Variants in CNTNAP2 observed in about 807,000 individuals in gnomAD.
CNTNAP2 encodes the protein contactin associated protein 2.
CNTNAP2 carries 98 observed loss-of-function variants against 155.2 expected under a neutral mutation model. The observed-to-expected ratio is 0.63, with a 90% CI of 0.54 to 0.75. The LOEUF (loss-of-function observed/expected upper bound fraction) is 0.75, where lower values mean the gene tolerates loss of function less well. Among genes scored for constraint, CNTNAP2 ranks in the 30% least tolerant of loss-of-function variants. The probability of loss-of-function intolerance (pLI) is 0.00; values close to 1 mark genes in which losing one functional copy is unlikely to be tolerated. For missense variants in CNTNAP2, 1,727 were observed against 1,688.1 expected (o/e 1.02, Z -0.40); for synonymous variants, 651 against 631.2 (o/e 1.03, Z -0.47).
At chr7:146,250,898 A>G (rs1442180326) in intron 1 of CNTNAP2, among the ~76,000 whole-genome samples, 1 of 152,194 alleles carries the variant, frequency 6.6e-6, no homozygotes, top group Non-Finnish European at 1.5e-5. Context: ...ATTACCATGC[A>G]TACTGTCTTT....
chr7:146,295,022 T>G (rs896996723), intron 1 of CNTNAP2, among the ~76,000 whole-genome samples: 4 of 152,176 alleles, frequency 2.6e-5, no homozygotes, highest in African/African-American at 9.7e-5. Context: ...AAATTACCAT[T>G]AAGATGAAAG....
intron 16 of CNTNAP2, among the ~76,000 whole-genome samples, chr7:148,137,076 C>T (rs1044362289): frequency 1.1e-4 from 17 of 152,300 alleles, no homozygotes; most frequent in Non-Finnish European, 5.9e-5. Flanking sequence ...ATTTTTCATA[C>T]ATGGAAACAT....
At chr7:147,421,519 TAAA>T (rs1797290098) in intron 10 of CNTNAP2, among the ~76,000 whole-genome samples, 1 of 151,144 alleles carries the variant, frequency 6.6e-6, no homozygotes, top group Non-Finnish European at 1.5e-5. Context: ...ATTACACAAA[TAAA>T]ATATATATTT....
chr7:148,022,874 A>G (rs1157415591), intron 15 of CNTNAP2, among the ~76,000 whole-genome samples: 1 of 152,152 alleles, frequency 6.6e-6, no homozygotes, highest in Non-Finnish European at 1.5e-5. Context: ...CGATTATCAG[A>G]AAGAGTGTCT....
chr7:147,552,609 G>C (rs903254583), intron 11 of CNTNAP2, among the ~76,000 whole-genome samples: 4 of 139,430 alleles, frequency 2.9e-5, no homozygotes, highest in South Asian at 2.2e-4. Flanking sequence ...CACACACACA[G>C]AGATATAAAT....
intron 1 of CNTNAP2, among the ~76,000 whole-genome samples, chr7:146,203,236 C>G (rs978937245): frequency 6.6e-6 from 1 of 152,086 alleles, no homozygotes; most frequent in Non-Finnish European, 1.5e-5. Context: ...GCATCAGATC[C>G]CAGGGTGAGG....
intron 8 of CNTNAP2, among the ~76,000 whole-genome samples, chr7:147,198,297 T>A (rs1802848133): frequency 6.9e-6 from 1 of 144,578 alleles, no homozygotes; most frequent in Non-Finnish European, 1.5e-5. Flanking sequence ...AATGGTGTGA[T>A]CTCGGCTCAC....
intron 14 of CNTNAP2, among the ~76,000 whole-genome samples, chr7:147,927,307 A>T (rs1046058906): frequency 2.6e-5 from 4 of 152,202 alleles, no homozygotes; most frequent in Non-Finnish European, 1.5e-5. Flanking sequence ...CTTATGCCAT[A>T]TTGAGAAAAA....
intron 4 of CNTNAP2, among the ~76,000 whole-genome samples, chr7:147,056,925 C>A (rs1226992219): frequency 1.3e-5 from 2 of 152,114 alleles, no homozygotes; most frequent in African/African-American, 2.4e-5. Context: ...TGCACACCAC[C>A]ATCCCTAGCT....
chr7:147,546,398 C>T (rs1183118949), intron 11 of CNTNAP2, among the ~76,000 whole-genome samples: 1 of 152,056 alleles, frequency 6.6e-6, no homozygotes, highest in African/African-American at 2.4e-5. Flanking sequence ...GTTTATATTA[C>T]TTATATATTA....
intron 18 of CNTNAP2, among the ~76,000 whole-genome samples, chr7:148,185,635 C>T (rs1201860885): frequency 6.6e-6 from 1 of 152,152 alleles, no homozygotes; most frequent in East Asian, 1.9e-4. Flanking sequence ...TTGCTAGTCA[C>T]TTTTTAGTTT....
At chr7:146,674,327 G>A (rs145787276) in intron 1 of CNTNAP2, among the ~76,000 whole-genome samples, 104 of 152,132 alleles carry the variant, frequency 6.8e-4, no homozygotes, top group African/African-American at 2.4e-3. Flanking sequence ...AGTGTCTTAC[G>A]TACTTTCTTA....
intron 10 of CNTNAP2, among the ~76,000 whole-genome samples, chr7:147,457,862 T>C (rs566367675): frequency 1.6e-4 from 24 of 152,264 alleles, no homozygotes; most frequent in African/African-American, 5.8e-4. Context: ...ATCTGATCTT[T>C]CTTGAATTCT....
chr7:147,917,627 G>T (rs566309043), intron 14 of CNTNAP2, among the ~76,000 whole-genome samples: 5 of 152,346 alleles, frequency 3.3e-5, no homozygotes, highest in African/African-American at 1.2e-4. Context: ...TAGCAGCAAA[G>T]ATGGCTGGGT....
intron 3 of CNTNAP2, among the ~76,000 whole-genome samples, chr7:147,032,153 CT>C (rs1159099083): frequency 6.6e-6 from 1 of 152,098 alleles, no homozygotes; most frequent in Non-Finnish European, 1.5e-5. Context: ...TATTATCATT[CT>C]TTTTAAAAAA....
At chr7:146,676,345 G>T (rs983544330) in intron 1 of CNTNAP2, among the ~76,000 whole-genome samples, 3 of 152,080 alleles carry the variant, frequency 2.0e-5, no homozygotes, top group African/African-American at 7.2e-5. Context: ...GAAATTAATG[G>T]AGTGTTTATC....
chr7:147,879,070 A>G (rs1344202800), intron 13 of CNTNAP2, among the ~76,000 whole-genome samples: 1 of 152,204 alleles, frequency 6.6e-6, no homozygotes, highest in Non-Finnish European at 1.5e-5. Flanking sequence ...AGTAAACGGT[A>G]ATTTTGCAAT....
chr7:146,496,430 C>A (rs995704850), intron 1 of CNTNAP2, among the ~76,000 whole-genome samples: 1 of 152,138 alleles, frequency 6.6e-6, no homozygotes, highest in Admixed American at 6.5e-5. Flanking sequence ...TTAATCCTGT[C>A]TGGTTTATGG....
At chr7:146,355,948 A>G (rs921093773) in intron 1 of CNTNAP2, among the ~76,000 whole-genome samples, 6 of 152,068 alleles carry the variant, frequency 3.9e-5, no homozygotes, top group Non-Finnish European at 8.8e-5. Flanking sequence ...ATTCTTACAC[A>G]TACAGCTTCT....
Sources: allele counts gnomAD v4.1 joint callset (sites outside exome capture counted in the v4.1 genomes callset), GRCh38; gene constraint gnomAD v4.1.1; transcripts MANE v1.5; gene names NCBI Gene and HGNC (gene_info 2026-07-23, HGNC 2026-07-21).